CD163L1: variants seen among roughly 807,000 people sequenced by gnomAD.
CD163L1 encodes the protein CD163 molecule like 1.
Under a neutral mutation model 165.4 loss-of-function variants are expected in CD163L1, and 124 were observed. The ratio of observed to expected loss-of-function variants is 0.75; its 90% CI spans 0.65 to 0.87. The LOEUF (loss-of-function observed/expected upper bound fraction) is 0.87, where lower values mean the gene tolerates loss of function less well. Among genes scored for constraint, CD163L1 ranks in the 40% least tolerant of loss-of-function variants. CD163L1 has a pLI of 0.00. For synonymous variants in CD163L1, 585 were observed against 662.2 expected (o/e 0.88, Z 1.79); for missense variants, 1,525 against 1,799.9 (o/e 0.85, Z 2.76).
intron 7 of CD163L1, among the ~76,000 whole-genome samples, chr12:7,397,569 G>A (rs767578220): frequency 6.6e-6 from 1 of 152,260 alleles, no homozygotes; most frequent in Admixed American, 6.5e-5. Flanking sequence ...TTTAACAGTA[G>A]AGACAACCAT....
Position 7,362,474 on chromosome 12 carries a change from T to A in CD163L1, c.4279+4762A>T, listed in dbSNP as rs922236500. On this transcript the variant is annotated intron_variant, in intron 18 of 19. Coordinates refer to ENST00000313599, the MANE Select transcript of CD163L1 (RefSeq NM_174941.6). ...TTATTACATTATTCTAATAATTTAT[T>A]CTGTAAGATAGTATATATTAATTAA... is the stretch of plus-strand genomic sequence containing the variant. Among the ~76,000 whole-genome samples the A allele has an allele frequency of 2.9e-5, 4 of 139,538 alleles. No individual in the cohort carries two copies. The South Asian group carries it at 8.7e-4, about 30-fold the overall frequency. 91.5% of individuals were successfully genotyped at this position (139,538 alleles called of 152,430 possible).
intron 8 of CD163L1, among the ~76,000 whole-genome samples, chr12:7,392,644 T>C (rs963030764): frequency 2.0e-5 from 3 of 152,104 alleles, no homozygotes; most frequent in African/African-American, 7.2e-5. Flanking sequence ...AAGCTGGTTT[T>C]TCAAAAAGAT....
At position 7,357,426 on chromosome 12, in the gene CD163L1, G is replaced by C. The variant is rs1463085221; in HGVS notation, c.4340C>G (p.Pro1447Arg). The C allele has an allele frequency of 1.2e-6, 2 of 1,612,592 alleles. No individual in the cohort carries two copies. The highest frequency in any genetic ancestry group is 1.7e-6 in the Non-Finnish European group (2 of 1,179,104). ...AAGTCATTTTGTGGCTTCAGAGGCAGGAAGAACTCCCAACAGCGATGTGTC... is the reference window on the plus strand; with the variant it reads ...AAGTCATTTTGTGGCTTCAGAGGCACGAAGAACTCCCAACAGCGATGTGTC... Reference protein sequence around the residue: ...ASDTSLLGVLPASEATK With the variant: ...ASDTSLLGVLRASEATK Residue 1447 changes from proline to arginine, a missense_variant, in exon 19 of 20, where the codon CCT becomes CGT. By Grantham distance (103) the Pro-to-Arg change is moderately radical. Transcript: ENST00000313599.
At chr12:7,388,936 T>C (rs1947583355) in intron 8 of CD163L1, among the ~76,000 whole-genome samples, 2 of 152,152 alleles carry the variant, frequency 1.3e-5, no homozygotes, top group African/African-American at 4.8e-5. Flanking sequence ...AATCATTGAA[T>C]CTCATTCTTT....
chr12:7,353,218 C>A, downstream of CD163L1, among the ~76,000 whole-genome samples: 1 of 151,064 alleles, frequency 6.6e-6, no homozygotes. Context: ...TTTAAAATTC[C>A]AGAAGAGAAA....
intron 4 of CD163L1, among the ~76,000 whole-genome samples, chr12:7,417,324 G>A (rs1464528058): frequency 6.6e-6 from 1 of 152,070 alleles, no homozygotes; most frequent in East Asian, 1.9e-4. Flanking sequence ...GGGCTGAGAT[G>A]ATGGGGTTTT....
intron 18 of CD163L1, among the ~76,000 whole-genome samples, chr12:7,360,596 C>T (rs1025138606): frequency 4.6e-5 from 7 of 151,916 alleles, no homozygotes; most frequent in Non-Finnish European, 7.4e-5. Context: ...TGAGGCAATC[C>T]AGTGATTTTT....
chr12:7,415,893 C>CATGTATCTT (rs1368083643), intron 4 of CD163L1, among the ~76,000 whole-genome samples: 1 of 152,160 alleles, frequency 6.6e-6, no homozygotes, highest in African/African-American at 2.4e-5. Context: ...CATGCAAGTG[C>CATGTATCTT]ATGTATCTTT....
rs150424063 is a variant in CD163L1 at position 7,433,695 on chromosome 12, C to T, written c.125-1G>A. 3.1e-4 allele frequency: 497 copies of T among 1,601,440 alleles called. 1 individual carries two copies. The highest frequency in any genetic ancestry group is 4.1e-4 in the Non-Finnish European group (479 of 1,172,480). On this transcript the variant is annotated splice_acceptor_variant, in intron 2 of 19. Transcript: ENST00000313599. LOFTEE classifies it high-confidence loss of function. ...AGCCTCAACTCCAAATCTGTTCCATCTGCAAGAAAGACAGAAACATACATT... is the reference window on the plus strand; with the variant it reads ...AGCCTCAACTCCAAATCTGTTCCATTTGCAAGAAAGACAGAAACATACATT...
chr12:7,323,298 T>C, the CD163L1 span: 1 of 1,611,028 alleles, frequency 6.2e-7, no homozygotes. Context: ...AAAGGAATGC[T>C]GCCCTATGAT....
rs1947832195 is a variant in CD163L1, at chr12:7,398,594, A to C, written c.1409-10T>G. ...TCCAGATCTGCCTTATCTGCAAGCA[A>C]GACAAAACCACATATTTGAGATCAA... On this transcript the variant is annotated splice_polypyrimidine_tract_variant and intron_variant, in intron 6 of 19. Coordinates refer to ENST00000313599, the MANE Select transcript of CD163L1 (RefSeq NM_174941.6). This position sits in a 1 kb window ranked among gnomAD's most constrained non-coding sequence, Gnocchi z 4.5. 1 of 1,537,294 alleles carries C rather than the reference A, an allele frequency of 6.5e-7. No homozygotes were observed. The highest frequency in any genetic ancestry group is 8.7e-7 in the Non-Finnish European group (1 of 1,146,574).
chr12:7,337,233 C>T, the CD163L1 span, among the ~76,000 whole-genome samples: 8 of 152,160 alleles, frequency 5.3e-5, no homozygotes, highest in Non-Finnish European at 5.9e-5. Flanking sequence ...GAAACCTAGG[C>T]AATACCATTC....
chr12:7,320,837 A>G, the CD163L1 span: 3 of 1,523,962 alleles, frequency 2.0e-6, no homozygotes, highest in Non-Finnish European at 1.8e-6. Flanking sequence ...TTGAACCACA[A>G]ACAATAGCTA....
chr12:7,427,094 G>T (rs1006809091), intron 4 of CD163L1, among the ~76,000 whole-genome samples: 2 of 152,036 alleles, frequency 1.3e-5, no homozygotes, highest in East Asian at 3.8e-4. Context: ...ATAGTAATAC[G>T]TAATAGTAGG....
chr12:7,382,522 C>T (rs1947433123), intron 8 of CD163L1, among the ~76,000 whole-genome samples: 1 of 152,088 alleles, frequency 6.6e-6, no homozygotes, highest in Non-Finnish European at 1.5e-5. Context: ...GGTATGGATC[C>T]CCACTGTAGA....
At chr12:7,421,609 A>G (rs370585643) in intron 4 of CD163L1, among the ~76,000 whole-genome samples, 594 of 8,588 alleles carry the variant, frequency 0.069, 4 homozygotes, top group African/African-American at 0.12. Flanking sequence ...ATGTACACAT[A>G]TACATATATG....
At chr12:7,324,561 C>A in the CD163L1 span, 2 of 1,613,892 alleles carry the variant, frequency 1.2e-6, no homozygotes, top group African/African-American at 2.7e-5. Flanking sequence ...GTTGTTGAAT[C>A]GGCTGTTGTC....
intron 8 of CD163L1, among the ~76,000 whole-genome samples, chr12:7,391,221 A>T (rs1373359044): frequency 6.6e-6 from 1 of 152,196 alleles, no homozygotes; most frequent in Non-Finnish European, 1.5e-5. Flanking sequence ...TAGGTCACCA[A>T]CATCGAAGAC....
the CD163L1 span, among the ~76,000 whole-genome samples, chr12:7,334,693 G>A: frequency 2.0e-5 from 3 of 152,202 alleles, no homozygotes; most frequent in Non-Finnish European, 4.4e-5. Flanking sequence ...AAAAGAGGAA[G>A]TCAAATCGTC....
Sources: gnomAD v4.1 joint callset for allele counts (sites outside exome capture counted in the v4.1 genomes callset) on GRCh38, gnomAD v4.1.1 for gene constraint, Gnocchi (gnomAD v3.1) non-coding constraint, MANE v1.5 for transcripts, NCBI Gene and HGNC (gene_info 2026-07-23, HGNC 2026-07-21) for gene names.